The following B3GAT2 variants were observed in gnomAD, a reference collection of about 807,000 sequenced individuals.
B3GAT2 encodes galactosylgalactosylxylosylprotein 3-beta-glucuronosyltransferase 2.
Under a neutral mutation model 27.8 loss-of-function variants are expected in B3GAT2, and 26 were observed. The ratio of observed to expected loss-of-function variants is 0.93; its 90% CI spans 0.68 to 1.30. The LOEUF (loss-of-function observed/expected upper bound fraction) is 1.30. Ranked by LOEUF, B3GAT2 falls within the 50% of genes most tolerant of loss-of-function variation. B3GAT2 has a pLI of 0.00. For synonymous variants in B3GAT2, 218 were observed against 195.1 expected (o/e 1.12, Z -0.98); for missense variants, 458 against 459.0 (o/e 1.00, Z 0.02).
intron 1 of B3GAT2, among the ~76,000 whole-genome samples, chr6:70,906,555 G>A (rs978859804): frequency 5.3e-5 from 8 of 151,542 alleles, no homozygotes; most frequent in African/African-American, 1.9e-4. Context: ...TCCCAGGCTG[G>A]TCTCAAACTC....
chr6:70,905,104 T>C (rs1432975505), intron 1 of B3GAT2, among the ~76,000 whole-genome samples: 2 of 152,228 alleles, frequency 1.3e-5, no homozygotes, highest in East Asian at 3.8e-4. Context: ...GAACTTATCA[T>C]AGCCAAATCT....
At chr6:70,948,622 G>A (rs2150052436) in intron 1 of B3GAT2, among the ~76,000 whole-genome samples, 1 of 151,596 alleles carries the variant, frequency 6.6e-6, no homozygotes, top group South Asian at 2.1e-4. Context: ...CTCATGGGTA[G>A]GAAGAATCAA....
In B3GAT2 at chr6:70,859,405, G is replaced by A. The variant is rs956931241; in HGVS notation, c.*2258C>T. On this transcript the variant is annotated 3_prime_UTR_variant, in exon 4 of 4. Coordinates refer to ENST00000230053, the MANE Select transcript of B3GAT2 (RefSeq NM_080742.3). Reference sequence around the variant, plus strand: ...TGGCCAATGACAAGGTGGTTAAAATGTCCTTTAGTAGGTATGAAGACGTGA... The same window carrying A: ...TGGCCAATGACAAGGTGGTTAAAATATCCTTTAGTAGGTATGAAGACGTGA... The A allele has an allele frequency of 6.5e-7, 1 of 1,547,790 alleles. No individual in the cohort carries two copies. The highest frequency in any genetic ancestry group is 1.4e-5 in the African/African-American group (1 of 72,980).
chr6:70,890,193 T>C lies in B3GAT2; in HGVS notation c.736+3935A>G, dbSNP rs887320964. 4.6e-5 allele frequency among the ~76,000 whole-genome samples: 7 copies of C among 152,224 alleles called. No homozygotes were observed. In the South Asian group the frequency reaches 1.5e-3, roughly 32 times the overall value. On this transcript the variant is annotated intron_variant, in intron 2 of 3. Transcript: ENST00000230053. Reference sequence around the variant, plus strand: ...ACGGAATTCATCATTCATCCACCCCTTCTCTCCAGTGACCTCGCCACTGTC... The same window carrying C: ...ACGGAATTCATCATTCATCCACCCCCTCTCTCCAGTGACCTCGCCACTGTC...
At chr6:70,942,844 A>G (rs1397802313) in intron 1 of B3GAT2, among the ~76,000 whole-genome samples, 1 of 152,184 alleles carries the variant, frequency 6.6e-6, no homozygotes, top group Non-Finnish European at 1.5e-5. Context: ...GTAATACAGT[A>G]GTACTGCTAA....
Position 70,955,990 on chromosome 6 carries a change from C to T in B3GAT2, c.440G>A (p.Arg147His). ...STHLHVPTPRRYKRPGLPRAT... is the reference protein window; with the variant it reads ...STHLHVPTPRHYKRPGLPRAT... ...GCGCGGCAGCCCGGGCCGCTTGTAG[C>T]GCCGCGGCGTGGGCACGTGCAGGTG... Residue 147 changes from arginine to histidine, a missense_variant, in exon 1 of 4, where the codon CGC (arginine) becomes CAC (histidine). Arg to His is a conservative substitution (Grantham distance 29, BLOSUM62 0). Coordinates refer to ENST00000230053, the MANE Select transcript of B3GAT2 (RefSeq NM_080742.3). The T allele has an allele frequency of 6.9e-7, 1 of 1,456,796 alleles. No homozygotes were observed. The allele number at this position is 1,456,796 out of a possible 1,614,324, so 90.2% of individuals were successfully genotyped here.
At chr6:70,911,544 G>A (rs1772689540) in intron 1 of B3GAT2, among the ~76,000 whole-genome samples, 1 of 152,076 alleles carries the variant, frequency 6.6e-6, no homozygotes, top group East Asian at 1.9e-4. Context: ...TTTTGTTACT[G>A]TAAGCTTGCA....
At chr6:70,892,039 G>C (rs182312133) in intron 2 of B3GAT2, among the ~76,000 whole-genome samples, 87 of 152,252 alleles carry the variant, frequency 5.7e-4, no homozygotes, top group African/African-American at 1.9e-3. Flanking sequence ...CATGTGTGAA[G>C]TGAAAAAAAT....
Position 70,956,768 on chromosome 6 carries a change from G to A in B3GAT2, c.-339C>T, listed in dbSNP as rs1195720015. 5 of 1,195,392 alleles carry A rather than the reference G, an allele frequency of 4.2e-6. No homozygotes were observed. Among genetic ancestry groups the A allele is most frequent in the Non-Finnish European group, 5.2e-6 (5 of 960,734 alleles). 74.0% of individuals were successfully genotyped at this position (1,195,392 alleles called of 1,614,324 possible). ...CGGGAAAGGCGCTGATCCCCACCGC[G>A]CTCTTTCTGAAGAGTGGAAGCCGAG... is the stretch of plus-strand genomic sequence containing the variant. On this transcript the variant is annotated 5_prime_UTR_variant, in exon 1 of 4. Coordinates refer to ENST00000230053, the MANE Select transcript of B3GAT2 (RefSeq NM_080742.3).
chr6:70,896,866 C>G (rs1772395463), intron 1 of B3GAT2, among the ~76,000 whole-genome samples: 1 of 152,188 alleles, frequency 6.6e-6, no homozygotes, highest in Non-Finnish European at 1.5e-5. Flanking sequence ...CTGCTACAAA[C>G]TAAATACGTG....
chr6:70,910,256 T>C (rs972415055), intron 1 of B3GAT2, among the ~76,000 whole-genome samples: 1 of 152,136 alleles, frequency 6.6e-6, no homozygotes, highest in Non-Finnish European at 1.5e-5. Flanking sequence ...TGTGGGGGTT[T>C]GGTGTACAGA....
intron 2 of B3GAT2, among the ~76,000 whole-genome samples, chr6:70,886,077 G>A (rs1360752680): frequency 1.3e-5 from 2 of 152,306 alleles, no homozygotes; most frequent in African/African-American, 4.8e-5. Flanking sequence ...TGCTTTGCAC[G>A]TGATGTCTGA....
intron 1 of B3GAT2, among the ~76,000 whole-genome samples, chr6:70,948,832 T>C (rs1200028297): frequency 1.3e-5 from 2 of 152,178 alleles, no homozygotes; most frequent in African/African-American, 2.4e-5. Flanking sequence ...CTTCAAACTA[T>C]ACTACAAGGC....
At chr6:70,878,687 T>C (rs1772053398) in intron 2 of B3GAT2, among the ~76,000 whole-genome samples, 2 of 152,130 alleles carry the variant, frequency 1.3e-5, no homozygotes, top group African/African-American at 4.8e-5. Context: ...TTTTCCCTTC[T>C]TCTTTTTGAA....
intron 2 of B3GAT2, among the ~76,000 whole-genome samples, chr6:70,874,583 T>A (rs1030119449): frequency 6.6e-6 from 1 of 152,142 alleles, no homozygotes; most frequent in Admixed American, 6.6e-5. Flanking sequence ...CTTCCAGAAA[T>A]ATGTCAGAGC....
At position 70,956,446 on chromosome 6, in the gene B3GAT2, C is replaced by T. The variant is rs768381308; in HGVS notation, c.-17G>A. 6.4e-7 allele frequency: 1 copy of T among 1,550,466 alleles called. No individual in the cohort carries two copies. Among genetic ancestry groups the T allele is most frequent in the Non-Finnish European group, 8.7e-7 (1 of 1,146,712 alleles). On this transcript the variant is annotated 5_prime_UTR_variant, in exon 1 of 4. Coordinates refer to ENST00000230053, the MANE Select transcript of B3GAT2 (RefSeq NM_080742.3). ...GGACTTCATGGTGCACGCTCCCTGG[C>T]CTCTCGGACACCCCAGAGAGGGGCG...
At chr6:70,910,666 T>C (rs1772675720) in intron 1 of B3GAT2, among the ~76,000 whole-genome samples, 1 of 152,330 alleles carries the variant, frequency 6.6e-6, no homozygotes, top group African/African-American at 2.4e-5. Flanking sequence ...GGTAGAATGA[T>C]TTCTATTCCT....
At chr6:70,906,991 G>A (rs1394282636) in intron 1 of B3GAT2, among the ~76,000 whole-genome samples, 1 of 152,184 alleles carries the variant, frequency 6.6e-6, no homozygotes, top group Admixed American at 6.5e-5. Flanking sequence ...TGAGAATGGT[G>A]CAGGAACATG....
rs1765506687 is a variant in B3GAT2, at chr6:70,947,402, A to G, written c.591+8437T>C. On this transcript the variant is annotated intron_variant, in intron 1 of 3. Transcript: ENST00000230053. ...CAAAAAAAATGATAAAGGGGATATC[A>G]CCACCGATCCCACAGAAATAGAAAC... Among the ~76,000 whole-genome samples the G allele has an allele frequency of 4.6e-5, 7 of 152,342 alleles. 1 individual carries two copies. The South Asian group carries it at 1.5e-3, about 32-fold the overall frequency.
Sources: gnomAD v4.1 joint callset for allele counts (sites outside exome capture counted in the v4.1 genomes callset) on GRCh38, gnomAD v4.1.1 for gene constraint, MANE v1.5 for transcripts, NCBI Gene and HGNC (gene_info 2026-07-23, HGNC 2026-07-21) for gene names.